The following HDAC9 variants were observed in gnomAD, a reference collection of about 807,000 sequenced individuals.
The protein encoded by HDAC9 is MEF-2 interacting transcription repressor (MITR) protein.
A neutral mutation model predicts 139.4 loss-of-function variants in HDAC9; 41 were observed. The observed-to-expected ratio is 0.29, with a 90% confidence interval of 0.23 to 0.38. The LOEUF (loss-of-function observed/expected upper bound fraction) is 0.38, where lower values mean the gene tolerates loss of function less well. Ranked by LOEUF, HDAC9 falls within the 10% of genes least tolerant of loss-of-function variation. The probability of loss-of-function intolerance (pLI) is 1.00; values close to 1 mark genes in which losing one functional copy is unlikely to be tolerated. For synonymous variants in HDAC9, 517 were observed against 476.2 expected (o/e 1.09, Z -1.12); for missense variants, 1,147 against 1,297.0 (o/e 0.88, Z 1.78).
intron 13 of HDAC9, among the ~76,000 whole-genome samples, chr7:18,738,966 C>G (rs1787186498): frequency 6.6e-6 from 1 of 152,124 alleles, no homozygotes; most frequent in African/African-American, 2.4e-5. Context: ...TTTCTTTTTA[C>G]TCTTTTTTCT....
At chr7:18,296,619 C>G (rs568351781) in intron 1 of HDAC9, among the ~76,000 whole-genome samples, 1 of 152,070 alleles carries the variant, frequency 6.6e-6, no homozygotes, top group Non-Finnish European at 1.5e-5. Flanking sequence ...TATCCCCAAA[C>G]GAAGTATGAA....
rs1254590116 is a variant in HDAC9 at position 18,671,486 on chromosome 7, C to T, written c.1731+5010C>T. 2.6e-5 allele frequency among the ~76,000 whole-genome samples: 4 copies of T among 152,006 alleles called. No homozygotes were observed. The South Asian group carries it at 6.2e-4, about 24-fold the overall frequency. On this transcript the variant is annotated intron_variant, in intron 12 of 25. Transcript: ENST00000686413. ...TTTTTAATAGCTTTTACCTAAGTTC[C>T]TCAGATTCTCTGATTCATAGTTTTC... is the stretch of plus-strand genomic sequence containing the variant.
intron 21 of HDAC9, among the ~76,000 whole-genome samples, chr7:18,868,111 CT>C (rs923022793): frequency 4.6e-5 from 7 of 151,630 alleles, no homozygotes; most frequent in South Asian, 2.1e-4. Context: ...TTGTTTTAAT[CT>C]TTTTTTTTCT....
intron 1 of HDAC9, among the ~76,000 whole-genome samples, chr7:18,334,679 C>G (rs1781455647): frequency 6.6e-6 from 1 of 151,262 alleles, no homozygotes; most frequent in Non-Finnish European, 1.5e-5. Flanking sequence ...TATGAATGCA[C>G]AGGAAAAAGA....
chr7:18,149,722 G>C (rs986223806), intron 1 of HDAC9, among the ~76,000 whole-genome samples: 2 of 151,272 alleles, frequency 1.3e-5, no homozygotes, highest in African/African-American at 4.9e-5. Flanking sequence ...AACTAATTTA[G>C]TTTTTGTATT....
chr7:18,147,571 TAATA>T (rs1162519993), intron 1 of HDAC9, among the ~76,000 whole-genome samples: 3 of 152,162 alleles, frequency 2.0e-5, no homozygotes, highest in South Asian at 4.1e-4. Context: ...AAAATATGAA[TAATA>T]AATTTAATAA....
chr7:18,255,813 G>A (rs540297797), intron 2 of HDAC9, among the ~76,000 whole-genome samples: 5 of 151,960 alleles, frequency 3.3e-5, no homozygotes, highest in African/African-American at 9.6e-5. Flanking sequence ...ATTTTGGGTA[G>A]AGACGGGGTT....
chr7:18,259,216 G>T (rs554701262), intron 2 of HDAC9, among the ~76,000 whole-genome samples: 2 of 152,114 alleles, frequency 1.3e-5, no homozygotes, highest in Non-Finnish European at 1.5e-5. Context: ...TGATCCACCT[G>T]CCTTGGCCTC....
At chr7:18,980,686 TTGTTCTTCTTCC>T (rs1784853744) in intron 25 of HDAC9, among the ~76,000 whole-genome samples, 1 of 138,176 alleles carries the variant, frequency 7.2e-6, no homozygotes, top group Admixed American at 7.4e-5. Context: ...CTTGTTCTTC[TTGTTCTTCTTCC>T]TTCTTCTTCC....
intron 2 of HDAC9, among the ~76,000 whole-genome samples, chr7:18,259,933 C>T (rs1795537988): frequency 6.6e-6 from 1 of 152,164 alleles, no homozygotes; most frequent in Non-Finnish European, 1.5e-5. Flanking sequence ...CTTCATACTT[C>T]AGTTGGCATT....
chr7:18,235,791 A>G (rs892838145), intron 2 of HDAC9, among the ~76,000 whole-genome samples: 4 of 152,182 alleles, frequency 2.6e-5, no homozygotes, highest in African/African-American at 4.8e-5. Flanking sequence ...TAAGGTCACA[A>G]TGCTATTAAG....
chr7:18,997,218 G>A lies in HDAC9; in HGVS notation c.*1156G>A, dbSNP rs182841743. ...TTAAGCAACGTTGCTAAATTTCTAT[G>A]TGTTTGAAATGTGTTAATGAAGGCA... On this transcript the variant is annotated 3_prime_UTR_variant, in exon 26 of 26. Transcript: ENST00000686413. 11 of 151,434 alleles carry A rather than the reference G, an allele frequency of 7.3e-5. No homozygotes were observed. The highest frequency in any genetic ancestry group is 2.4e-4 in the African/African-American group (10 of 41,322). The allele number at this position is 151,434 out of a possible 1,614,324, so 9.4% of individuals were successfully genotyped here. A position where few individuals can be genotyped will look rare whatever the true frequency, so the allele number is the denominator to read the frequency against.
intron 25 of HDAC9, among the ~76,000 whole-genome samples, chr7:18,992,267 G>A (rs1293421248): frequency 2.0e-5 from 3 of 152,160 alleles, no homozygotes; most frequent in Admixed American, 6.5e-5. Flanking sequence ...ATTATTGGGA[G>A]AATGAATAGT....
intron 12 of HDAC9, among the ~76,000 whole-genome samples, chr7:18,689,828 T>C (rs1325259526): frequency 1.3e-5 from 2 of 151,984 alleles, no homozygotes; most frequent in African/African-American, 2.4e-5. Context: ...TTGGTGTACT[T>C]GTCAACTGTA....
At chr7:18,233,327 A>G (rs933919981) in intron 2 of HDAC9, among the ~76,000 whole-genome samples, 1 of 152,074 alleles carries the variant, frequency 6.6e-6, no homozygotes, top group Non-Finnish European at 1.5e-5. Flanking sequence ...ACTTAAATAG[A>G]AGAGACATGA....
chr7:18,477,971 A>G (rs887255504), intron 1 of HDAC9, among the ~76,000 whole-genome samples: 4 of 152,186 alleles, frequency 2.6e-5, no homozygotes, highest in African/African-American at 7.2e-5. Context: ...CACACTAGAA[A>G]ACAAAGACCA....
intron 8 of HDAC9, among the ~76,000 whole-genome samples, chr7:18,637,882 C>T (rs1267076949): frequency 6.6e-6 from 1 of 151,848 alleles, no homozygotes; most frequent in Non-Finnish European, 1.5e-5. Context: ...AATATCCTAG[C>T]TTTTTAGCAC....
chr7:18,274,933 C>A (rs2389940), intron 2 of HDAC9, among the ~76,000 whole-genome samples: 148,724 of 152,292 alleles, frequency 0.98, 72,643 homozygotes, highest in East Asian at 1. Context: ...AGCTTCAAGT[C>A]TATTTGTAAT....
intron 21 of HDAC9, among the ~76,000 whole-genome samples, chr7:18,852,186 G>A (rs1361785190): frequency 6.6e-6 from 1 of 152,212 alleles, no homozygotes; most frequent in East Asian, 1.9e-4. Context: ...GCTAGTTGCT[G>A]TGGAGAAAAA....
Sources: gnomAD v4.1 joint callset for allele counts (sites outside exome capture counted in the v4.1 genomes callset) on GRCh38, gnomAD v4.1.1 for gene constraint, MANE v1.5 for transcripts, NCBI Gene and HGNC (gene_info 2026-07-23, HGNC 2026-07-21) for gene names.